SLC22A25: variants seen among roughly 807,000 people sequenced by gnomAD.
The protein encoded by SLC22A25 is MGI:2442751, MGI:2385316, MGI:3042283, MGI:3645714, MGI:3605624, MGI:2442750.
SLC22A25 carries 44 observed loss-of-function variants against 45.9 expected under a neutral mutation model. That is an observed-to-expected ratio of 0.96 (90% CI 0.75 to 1.23). The LOEUF (loss-of-function observed/expected upper bound fraction) is 1.23, where lower values mean the gene tolerates loss of function less well. SLC22A25 is among the 50% of genes most tolerant of loss of function. The pLI is 0.00. For missense variants in SLC22A25, 800 were observed against 666.4 expected, an observed-to-expected ratio of 1.20 and a Z score of -2.21; for synonymous variants, 283 against 238.6, an observed-to-expected ratio of 1.19 and a Z score of -1.72.
chr11:63,209,112 G>A (rs2089488912), intron 7 of SLC22A25, among the ~76,000 whole-genome samples: 1 of 152,164 alleles, frequency 6.6e-6, no homozygotes, highest in Non-Finnish European at 1.5e-5. Context: ...CAAAAGACAG[G>A]AAATTAATTG....
chr11:63,182,250 C>T (rs1182476681), intron 8 of SLC22A25, among the ~76,000 whole-genome samples: 1 of 152,232 alleles, frequency 6.6e-6, no homozygotes, highest in African/African-American at 2.4e-5. Context: ...AGGGGACAGT[C>T]AGTTGCCATT....
In SLC22A25 at chr11:63,183,692, A is replaced by G. The variant is rs1053239532; in HGVS notation, c.954+2T>C. ...CCCATATCCAGCTCCCGTCTTGCTT[A>G]CCTCCATGGTTAGGATGTCTTCAGC... On this transcript the variant is annotated splice_donor_variant, in intron 8 of 11. Coordinates refer to ENST00000306494, the MANE Select transcript of SLC22A25 (RefSeq NM_199352.6). LOFTEE classifies it high-confidence loss of function. 5 of 1,612,490 alleles carry G rather than the reference A, an allele frequency of 3.1e-6. No homozygotes were observed. Among genetic ancestry groups the G allele is most frequent in the Middle Eastern group, 1.6e-4 (1 of 6,070 alleles).
At chr11:63,234,395 C>T (rs1268095822) in intron 3 of SLC22A25, among the ~76,000 whole-genome samples, 3 of 152,156 alleles carry the variant, frequency 2.0e-5, no homozygotes, top group Non-Finnish European at 4.4e-5. Context: ...TATGTAATGG[C>T]CTTCTTTGTC....
At chr11:63,166,483 G>A (rs1204410629) in intron 9 of SLC22A25, 2 of 1,370,722 alleles carry the variant, frequency 1.5e-6, no homozygotes, top group African/African-American at 1.5e-5. Context: ...GTTGTATGGA[G>A]GATGTGCTAT....
intron 7 of SLC22A25, among the ~76,000 whole-genome samples, chr11:63,194,889 G>GAAAAAAAAAAAAAAA (rs1565091135): frequency 7.0e-5 from 1 of 14,288 alleles, no homozygotes; most frequent in Non-Finnish European, 1.4e-4. Flanking sequence ...CAAATGGAAA[G>GAAAAAAAAAAAAAAA]CAAAAAAAAA....
At position 63,159,245 on chromosome 11, in the gene SLC22A25, CT is replaced by C. The variant is rs758578062; in HGVS notation, c.*4578del. ...GGAGTGCAGATACGTCTTTGATATA[CT>C]TATTTCCTTTCTTTTGGGTATATGC... is the stretch of plus-strand genomic sequence containing the variant. On this transcript the variant is annotated 3_prime_UTR_variant, in exon 12 of 12. Coordinates refer to ENST00000306494, the MANE Select transcript of SLC22A25 (RefSeq NM_199352.6). Among the ~76,000 whole-genome samples the C allele has an allele frequency of 1.4e-4, 22 of 152,086 alleles. No homozygotes were observed. The highest frequency in any genetic ancestry group is 2.8e-4 in the Non-Finnish European group (19 of 68,020).
At chr11:63,207,945 T>C (rs2134792500) in intron 7 of SLC22A25, among the ~76,000 whole-genome samples, 1 of 152,250 alleles carries the variant, frequency 6.6e-6, no homozygotes. Context: ...AAAAGGTAAC[T>C]TAAGTCTTTG....
chr11:63,237,132 C>T (rs1470532039), intron 3 of SLC22A25, among the ~76,000 whole-genome samples: 3 of 152,042 alleles, frequency 2.0e-5, no homozygotes, highest in Non-Finnish European at 4.4e-5. Flanking sequence ...TAAGTCGGAG[C>T]TAAACATTGA....
rs576992963 is a variant in SLC22A25, at chr11:63,213,524, G to C, written c.830+3790C>G. 1.4e-4 allele frequency among the ~76,000 whole-genome samples: 22 copies of C among 152,298 alleles called. No individual in the cohort carries two copies. The South Asian group carries it at 4.1e-3, about 29-fold the overall frequency. ...CCAACAAGCTAGCCCTAGGTCAGAAGTTAATAGTTCGGGTGCCACACGCTG... is the reference window on the plus strand; with the variant it reads ...CCAACAAGCTAGCCCTAGGTCAGAACTTAATAGTTCGGGTGCCACACGCTG... On this transcript the variant is annotated intron_variant, in intron 7 of 11. Transcript: ENST00000306494.
rs766500192 is a variant in SLC22A25, at chr11:63,217,298, A to T, written c.830+16T>A. ...CAAGGATGTCATATGGCAAAAGAAG[A>T]ATGCAAGCTCAATACCTTGAGAACA... On this transcript the variant is annotated intron_variant, in intron 7 of 11. Coordinates refer to ENST00000306494, the MANE Select transcript of SLC22A25 (RefSeq NM_199352.6). The T allele has an allele frequency of 4.4e-6, 7 of 1,608,440 alleles. 1 individual carries two copies. In the South Asian group the frequency reaches 7.7e-5, roughly 18 times the overall value.
intron 9 of SLC22A25, among the ~76,000 whole-genome samples, chr11:63,179,490 A>G (rs1375577082): frequency 6.6e-6 from 1 of 152,106 alleles, no homozygotes; most frequent in Non-Finnish European, 1.5e-5. Flanking sequence ...TTGTGCATGT[A>G]GATTCCTAAT....
intron 7 of SLC22A25, among the ~76,000 whole-genome samples, chr11:63,195,731 A>G (rs1414235332): frequency 6.6e-6 from 1 of 152,198 alleles, no homozygotes; most frequent in East Asian, 1.9e-4. Flanking sequence ...AAAAGCTAGC[A>G]GAAGGCAAGA....
rs539874890 is a variant in SLC22A25 at position 63,182,199 on chromosome 11, A to G, written c.955-1424T>C. On this transcript the variant is annotated intron_variant, in intron 8 of 11. Coordinates refer to ENST00000306494, the MANE Select transcript of SLC22A25 (RefSeq NM_199352.6). ...TGCATAGAATCCACATCCTAAACCA[A>G]TTGCTCTTTTTGAGCAACACTGGCC... 7.9e-5 allele frequency among the ~76,000 whole-genome samples: 12 copies of G among 152,180 alleles called. No homozygotes were observed. The South Asian group carries it at 1.9e-3, about 24-fold the overall frequency.
At chr11:63,209,474 G>A (rs368196025) in intron 7 of SLC22A25, among the ~76,000 whole-genome samples, 1 of 152,098 alleles carries the variant, frequency 6.6e-6, no homozygotes. Flanking sequence ...AGTCAGGCTT[G>A]GAGGAAAGTG....
intron 5 of SLC22A25, among the ~76,000 whole-genome samples, chr11:63,221,564 C>T (rs796756527): frequency 1.3e-5 from 2 of 152,076 alleles, no homozygotes; most frequent in Non-Finnish European, 1.5e-5. Context: ...CAAAATTCCT[C>T]CCATTCTGTG....
intron 3 of SLC22A25, among the ~76,000 whole-genome samples, chr11:63,236,651 T>TGTCCC: frequency 6.6e-6 from 1 of 151,834 alleles, no homozygotes; most frequent in Non-Finnish European, 1.5e-5. Context: ...CCCACTGTCC[T>TGTCCC]GCACCCACTG....
intron 9 of SLC22A25, among the ~76,000 whole-genome samples, chr11:63,180,430 C>T (rs1239054559): frequency 6.6e-6 from 1 of 152,150 alleles, no homozygotes; most frequent in Non-Finnish European, 1.5e-5. Context: ...TAGCATAAGT[C>T]TCCACTGATG....
At chr11:63,177,616 A>T (rs1383998535) in intron 9 of SLC22A25, among the ~76,000 whole-genome samples, 1 of 151,644 alleles carries the variant, frequency 6.6e-6, no homozygotes, top group Non-Finnish European at 1.5e-5. Flanking sequence ...ACCAGGAGAT[A>T]AATTTTTTAG....
At chr11:63,179,703 G>T (rs1229159446) in intron 9 of SLC22A25, among the ~76,000 whole-genome samples, 2 of 152,120 alleles carry the variant, frequency 1.3e-5, no homozygotes, top group Non-Finnish European at 2.9e-5. Flanking sequence ...TTCTTGGGCA[G>T]CTCCCTGGAA....
Sources: gnomAD v4.1 joint callset for allele counts (sites outside exome capture counted in the v4.1 genomes callset) on GRCh38, gnomAD v4.1.1 for gene constraint, MANE v1.5 for transcripts, NCBI Gene and HGNC (gene_info 2026-07-23, HGNC 2026-07-21) for gene names.